The following ZNF638 variants were observed in gnomAD, a reference collection of about 807,000 sequenced individuals.
The protein encoded by ZNF638 is zinc finger protein 638.
Under a neutral mutation model 195.6 loss-of-function variants are expected in ZNF638, and 46 were observed. The ratio of observed to expected loss-of-function variants is 0.24; its 90% CI spans 0.19 to 0.30. ZNF638 has a LOEUF of 0.30. Ranked by LOEUF, ZNF638 falls within the 10% of genes least tolerant of loss-of-function variation. The pLI is 1.00. For missense variants in ZNF638, 2,440 were observed against 2,325.3 expected (o/e 1.05, Z -1.01); for synonymous variants, 845 against 772.0 (o/e 1.09, Z -1.57).
intron 20 of ZNF638, among the ~76,000 whole-genome samples, chr2:71,418,055 T>C (rs984621623): frequency 1.3e-5 from 2 of 152,194 alleles, no homozygotes; most frequent in Admixed American, 6.5e-5. Flanking sequence ...GCTTGCCATA[T>C]AGGGACTGAT....
chr2:71,403,941 G>A lies in ZNF638; in HGVS notation c.2901G>A (p.Met967Ile). The change falls in exon 17 of 28, where the codon ATG becomes ATA. Residue 967 changes from methionine (M) to isoleucine (I), a missense_variant. Coordinates refer to ENST00000264447, the MANE Select transcript of ZNF638 (RefSeq NM_014497.5). ...TTTATACCTGCTTCCCAGTATTGAT[G>A]GATGGAAATCAACTCTCAATAAGTA... ...VKFYTCFPVL[M>I]DGNQLSISMA... The A allele has an allele frequency of 6.2e-7, 1 of 1,611,504 alleles. No individual in the cohort carries two copies. Among genetic ancestry groups the A allele is most frequent in the East Asian group, 2.2e-5 (1 of 44,762 alleles).
intron 2 of ZNF638, among the ~76,000 whole-genome samples, chr2:71,352,391 C>A (rs929313104): frequency 6.6e-6 from 1 of 151,416 alleles, no homozygotes; most frequent in African/African-American, 2.4e-5. Flanking sequence ...GGCAGAGAAT[C>A]GCTTGAACCC....
At chr2:71,388,338 A>G (rs1333899633) in intron 10 of ZNF638, 3 of 507,800 alleles carry the variant, frequency 5.9e-6, no homozygotes, top group Non-Finnish European at 1.1e-5. Context: ...CCGACCTTTG[A>G]TCATCTGACC....
At position 71,382,977 on chromosome 2, in the gene ZNF638, C is replaced by T. The variant is rs2079560486; in HGVS notation, c.2377+2412C>T. Among the ~76,000 whole-genome samples, 5 of 152,294 alleles carry T rather than the reference C, an allele frequency of 3.3e-5. No individual in the cohort carries two copies. The South Asian group carries it at 1.0e-3, about 32-fold the overall frequency. ...GATATTTATGCTGGACACATGGGCA[C>T]ATAGTATATTTATGTTATTTTGTTT... On this transcript the variant is annotated intron_variant, in intron 10 of 27. Coordinates refer to ENST00000264447, the MANE Select transcript of ZNF638 (RefSeq NM_014497.5).
chr2:71,406,667 C>G (rs1253204355), intron 19 of ZNF638, among the ~76,000 whole-genome samples: 1 of 152,042 alleles, frequency 6.6e-6, no homozygotes, highest in Non-Finnish European at 1.5e-5. Context: ...TATGAAACAC[C>G]TGAGTTAGGT....
At position 71,424,053 on chromosome 2, in the gene ZNF638, A is replaced by G. The variant is rs2080484870; in HGVS notation, c.4524+15A>G. ...GCAACAATAAGGTGAGGAGGGTAGGAAGAATGGCACAGTGTGTCTTTGAAG... is the reference window on the plus strand; with the variant it reads ...GCAACAATAAGGTGAGGAGGGTAGGGAGAATGGCACAGTGTGTCTTTGAAG... On this transcript the variant is annotated intron_variant, in intron 22 of 27. Transcript: ENST00000264447. The G allele has an allele frequency of 1.9e-6, 3 of 1,607,612 alleles. No homozygotes were observed. Among genetic ancestry groups the G allele is most frequent in the Admixed American group, 1.7e-5 (1 of 59,608 alleles).
At chr2:71,422,518 A>G (rs1178966131) in intron 21 of ZNF638, among the ~76,000 whole-genome samples, 1 of 152,194 alleles carries the variant, frequency 6.6e-6, no homozygotes, top group East Asian at 1.9e-4. Context: ...TTCACATTTG[A>G]CCTTTCAATG....
chr2:71,376,604 T>C (rs1019649716), intron 8 of ZNF638, among the ~76,000 whole-genome samples: 4 of 152,142 alleles, frequency 2.6e-5, no homozygotes, highest in Non-Finnish European at 5.9e-5. Context: ...AGAAAAAACT[T>C]ACCCGCCCAA....
intron 24 of ZNF638, 110 bp from the exon 25 acceptor site, chr2:71,428,437 G>T: frequency 1.3e-6 from 1 of 777,332 alleles, no homozygotes; most frequent in Non-Finnish European, 2.0e-6. Context: ...CCCAAATTTG[G>T]GTATTTTTTG....
At chr2:71,371,759 C>G (rs1270775102) in intron 8 of ZNF638, among the ~76,000 whole-genome samples, 1 of 150,458 alleles carries the variant, frequency 6.6e-6, no homozygotes, top group Non-Finnish European at 1.5e-5. Flanking sequence ...TTATTAATCC[C>G]TTGTCAGATT....
chr2:71,369,966 A>G lies in ZNF638; in HGVS notation c.2226A>G (p.Lys742=). The G allele has an allele frequency of 6.3e-7, 1 of 1,597,802 alleles. No individual in the cohort carries two copies. The highest frequency in any genetic ancestry group is 8.5e-7 in the Non-Finnish European group (1 of 1,175,232). Residue 742 remains lysine (K), a synonymous_variant, in exon 8 of 28, where the codon AAA becomes AAG. Transcript: ENST00000264447. ...IETTPLTIKG[K]SVKICVPGKK... ...CAACACCTCTTACGATAAAAGGAAA[A>G]AGTGTGAAAATATGTGTTCCAGGAA...
intron 10 of ZNF638, among the ~76,000 whole-genome samples, chr2:71,394,036 TC>T (rs2079843409): frequency 1.3e-5 from 2 of 152,276 alleles, no homozygotes; most frequent in Non-Finnish European, 2.9e-5. Context: ...CCAGCATTCT[TC>T]CCTGTGCTAA....
chr2:71,399,214 A>G (rs977538639), intron 12 of ZNF638, among the ~76,000 whole-genome samples: 2 of 152,178 alleles, frequency 1.3e-5, no homozygotes, highest in Non-Finnish European at 2.9e-5. Context: ...CCTTGCAACT[A>G]GAGCAATCTT....
chr2:71,335,551 A>C (rs1307748303), intron 1 of ZNF638, among the ~76,000 whole-genome samples: 1 of 152,180 alleles, frequency 6.6e-6, no homozygotes, highest in South Asian at 2.1e-4. Context: ...AAAAAAAAAG[A>C]AACAAAACCA....
rs775370278 is a variant in ZNF638 at position 71,350,040 on chromosome 2, A to G, written c.1086A>G (p.Val362=). 1 of 1,614,216 alleles carries G rather than the reference A, an allele frequency of 6.2e-7. No individual in the cohort carries two copies. Among genetic ancestry groups the G allele is most frequent in the Non-Finnish European group, 8.5e-7 (1 of 1,180,044 alleles). Residue 362 remains valine, a synonymous_variant, in exon 2 of 28, where the codon GTA becomes GTG. Transcript: ENST00000264447. ...AACCTGTGATTAATTCATCTAACGT[A>G]CATGTTGGATCAAGAGGAAGTAAAA... ...PHEPVINSSN[V]HVGSRGSKKN...
At chr2:71,424,161 T>C in intron 22 of ZNF638, 123 bp downstream of exon 22, 1 of 1,305,414 alleles carries the variant, frequency 7.7e-7, no homozygotes, top group Non-Finnish European at 1.0e-6. Context: ...CCCCGGAAGC[T>C]CCCATTTCCT....
rs2080100843 is a variant in ZNF638, at chr2:71,406,117, A to C, written c.3001-11A>C. Reference sequence around the variant, plus strand: ...GTGGTTTTTTCTGTGCTGTCTCTTAAAAAACTACAGGCAAACATAGATACA... The same window carrying C: ...GTGGTTTTTTCTGTGCTGTCTCTTACAAAACTACAGGCAAACATAGATACA... On this transcript the variant is annotated splice_polypyrimidine_tract_variant and intron_variant, in intron 18 of 27. Transcript: ENST00000264447. The C allele has an allele frequency of 6.2e-7, 1 of 1,612,840 alleles. No homozygotes were observed. The highest frequency in any genetic ancestry group is 1.7e-5 in the Admixed American group (1 of 59,942).
At chr2:71,388,407 G>A (rs894900153) in intron 10 of ZNF638, 17 of 667,602 alleles carry the variant, frequency 2.5e-5, no homozygotes, top group Middle Eastern at 3.1e-4. Flanking sequence ...GATCATCCGC[G>A]TGCAGGACTG....
intron 5 of ZNF638, 144 bp from the exon 6 acceptor site, chr2:71,365,285 C>A: frequency 1.6e-6 from 1 of 637,800 alleles, no homozygotes; most frequent in Non-Finnish European, 2.5e-6. Flanking sequence ...CATGTAAAAG[C>A]CTTCTGAGTG....
Sources: gnomAD v4.1 joint callset for allele counts (sites outside exome capture counted in the v4.1 genomes callset) on GRCh38, gnomAD v4.1.1 for gene constraint, MANE v1.5 for transcripts, NCBI Gene and HGNC (gene_info 2026-07-23, HGNC 2026-07-21) for gene names.